The following ITPR2 variants were observed in gnomAD, a reference collection of about 807,000 sequenced individuals.
ITPR2 encodes the protein inositol 1,4,5-trisphosphate-gated calcium channel ITPR2.
ITPR2 carries 207 observed loss-of-function variants against 317.1 expected under a neutral mutation model. The observed-to-expected ratio is 0.65, with a 90% CI of 0.58 to 0.73. The LOEUF (loss-of-function observed/expected upper bound fraction) is 0.73, where lower values mean the gene tolerates loss of function less well. Among genes scored for constraint, ITPR2 ranks in the 30% least tolerant of loss-of-function variants. The probability of loss-of-function intolerance (pLI) is 0.00; values close to 1 mark genes in which losing one functional copy is unlikely to be tolerated. For missense variants in ITPR2, 2,613 were observed against 3,284.0 expected (o/e 0.80, Z 4.99); for synonymous variants, 1,156 against 1,149.1 (o/e 1.01, Z -0.12).
At chr12:26,622,582 A>G (rs1009210702) in intron 24 of ITPR2, among the ~76,000 whole-genome samples, 177 bp from the exon 25 acceptor site, 5 of 152,204 alleles carry the variant, frequency 3.3e-5, no homozygotes, top group Non-Finnish European at 5.9e-5. Context: ...AATCATAAAG[A>G]AAAGCTTGTG....
intron 34 of ITPR2, among the ~76,000 whole-genome samples, chr12:26,568,585 G>T (rs1945072812): frequency 6.6e-6 from 1 of 152,064 alleles, no homozygotes; most frequent in South Asian, 2.1e-4. Flanking sequence ...ATTACTGATG[G>T]TATCTGCCAG....
intron 2 of ITPR2, among the ~76,000 whole-genome samples, chr12:26,782,395 T>C (rs1438704710): frequency 7.3e-6 from 1 of 136,718 alleles, no homozygotes; most frequent in Non-Finnish European, 1.6e-5. Context: ...TTAAAAGAAC[T>C]AAAAAAAAAA....
In ITPR2 at chr12:26,500,130, G is replaced by A. The variant is rs146109851; in HGVS notation, c.5074-4870C>T. Among the ~76,000 whole-genome samples, 678 of 152,346 alleles carry A rather than the reference G, an allele frequency of 4.5e-3. 4 individuals are homozygous for A. The highest frequency in any genetic ancestry group is 0.01 in the Middle Eastern group (3 of 292). The stretch of plus-strand genomic sequence containing the variant: ...TATCCAGTTCTGACTTAAGCGGTGA[G>A]AGACATGTACTGTGTCCCAATTTGC... On this transcript the variant is annotated intron_variant, in intron 37 of 56. Transcript: ENST00000381340.
intron 55 of ITPR2, among the ~76,000 whole-genome samples, chr12:26,355,235 C>A (rs1351023690): frequency 6.6e-6 from 1 of 152,192 alleles, no homozygotes; most frequent in Admixed American, 6.5e-5. Flanking sequence ...ACTCATCGTA[C>A]ATGCTGATTT....
At chr12:26,397,346 T>C (rs991652030) in intron 54 of ITPR2, among the ~76,000 whole-genome samples, 2 of 151,792 alleles carry the variant, frequency 1.3e-5, no homozygotes, top group African/African-American at 2.4e-5. Flanking sequence ...CTGCTTGTAC[T>C]CACTTTGATC....
intron 9 of ITPR2, among the ~76,000 whole-genome samples, chr12:26,702,860 T>G (rs565801378): frequency 1.3e-5 from 2 of 152,216 alleles, no homozygotes; most frequent in African/African-American, 4.8e-5. Context: ...TGTTAAATCT[T>G]GTATCATTAT....
At chr12:26,496,958 G>T (rs199785993) in intron 37 of ITPR2, among the ~76,000 whole-genome samples, 2 of 143,712 alleles carry the variant, frequency 1.4e-5, no homozygotes, top group South Asian at 2.2e-4. Flanking sequence ...AAAAAAAAAA[G>T]AAGATCACAC....
intron 23 of ITPR2, among the ~76,000 whole-genome samples, 181 bp downstream of exon 23, chr12:26,627,852 C>A (rs1003517803): frequency 5.9e-5 from 9 of 152,080 alleles, no homozygotes; most frequent in Non-Finnish European, 1.2e-4. Flanking sequence ...AGCAAACCAA[C>A]ATGGCACGTG....
At chr12:26,360,504 T>C (rs900935109) in intron 55 of ITPR2, among the ~76,000 whole-genome samples, 6 of 152,216 alleles carry the variant, frequency 3.9e-5, no homozygotes, top group African/African-American at 1.4e-4. Flanking sequence ...AAAATTAGAT[T>C]ACAGGAGGTG....
Position 26,581,549 on chromosome 12 carries a change from A to G in ITPR2, c.4381-1394T>C, listed in dbSNP as rs570099110. ...GTGCCTGGCATACACAAGATGTTCA[A>G]CAAACGTTTGTGAAATGAATTAATA... On this transcript the variant is annotated intron_variant, in intron 32 of 56. Coordinates refer to ENST00000381340, the MANE Select transcript of ITPR2 (RefSeq NM_002223.4). Among the ~76,000 whole-genome samples the G allele has an allele frequency of 1.7e-3, 253 of 152,290 alleles. 1 individual carries two copies. Among genetic ancestry groups the G allele is most frequent in the African/African-American group, 5.8e-3 (242 of 41,580 alleles).
intron 37 of ITPR2, among the ~76,000 whole-genome samples, chr12:26,508,792 C>A (rs1943255754): frequency 6.6e-6 from 1 of 152,112 alleles, no homozygotes; most frequent in African/African-American, 2.4e-5. Flanking sequence ...AAATTGGGAC[C>A]CTCATACACT....
intron 1 of ITPR2, among the ~76,000 whole-genome samples, chr12:26,809,227 A>C (rs1437157790): frequency 6.6e-6 from 1 of 152,240 alleles, no homozygotes; most frequent in Non-Finnish European, 1.5e-5. Context: ...ATGTCTAAAC[A>C]GCAGCTAATT....
intron 37 of ITPR2, among the ~76,000 whole-genome samples, chr12:26,533,369 G>C (rs1943996047): frequency 6.6e-6 from 1 of 152,152 alleles, no homozygotes; most frequent in Non-Finnish European, 1.5e-5. Flanking sequence ...ATAATGTTTA[G>C]AAATCACTTC....
At chr12:26,557,182 C>G (rs1442561797) in intron 35 of ITPR2, among the ~76,000 whole-genome samples, 1 of 152,064 alleles carries the variant, frequency 6.6e-6, no homozygotes, top group Non-Finnish European at 1.5e-5. Flanking sequence ...AATATTAGTA[C>G]TATACATGGG....
At chr12:26,595,421 C>A in intron 32 of ITPR2, 44 bp downstream of exon 32, 1 of 1,571,026 alleles carries the variant, frequency 6.4e-7, no homozygotes, top group South Asian at 1.2e-5. Flanking sequence ...ACTATTTAGT[C>A]GAAATATCTA....
intron 37 of ITPR2, among the ~76,000 whole-genome samples, chr12:26,539,636 G>A (rs533188918): frequency 6.6e-6 from 1 of 152,208 alleles, no homozygotes; most frequent in East Asian, 1.9e-4. Flanking sequence ...CACCATAACT[G>A]TGCACAGTGT....
chr12:26,512,907 C>T (rs1943390962), intron 37 of ITPR2, among the ~76,000 whole-genome samples: 1 of 146,834 alleles, frequency 6.8e-6, no homozygotes, highest in Non-Finnish European at 1.5e-5. Flanking sequence ...ACCACAACCT[C>T]CGCCTCCCAG....
At chr12:26,678,410 G>T (rs1426961452) in intron 13 of ITPR2, among the ~76,000 whole-genome samples, 2 of 127,136 alleles carry the variant, frequency 1.6e-5, no homozygotes, top group African/African-American at 6.2e-5. Flanking sequence ...AAAAAGGGAA[G>T]ACAGAGAGAG....
chr12:26,829,563 G>A (rs1427925434), intron 1 of ITPR2, among the ~76,000 whole-genome samples: 6 of 151,890 alleles, frequency 4.0e-5, no homozygotes, highest in African/African-American at 1.5e-4. Flanking sequence ...GCTGGATCAC[G>A]GCATTCTTAA....
Sources: allele counts gnomAD v4.1 joint callset (sites outside exome capture counted in the v4.1 genomes callset), GRCh38; gene constraint gnomAD v4.1.1; transcripts MANE v1.5; gene names NCBI Gene and HGNC (gene_info 2026-07-23, HGNC 2026-07-21).